Variants in IKZF4 observed in about 807,000 individuals in gnomAD.
IKZF4 encodes the protein IKAROS family zinc finger 4.
In IKZF4, 11 loss-of-function variants were observed where a neutral mutation model predicts 47.7. The observed-to-expected ratio is 0.23, with a 90% CI of 0.15 to 0.38. The LOEUF is 0.38. Among genes scored for constraint, IKZF4 ranks in the 10% least tolerant of loss-of-function variants. The probability of loss-of-function intolerance (pLI) is 1.00; values close to 1 mark genes in which losing one functional copy is unlikely to be tolerated. For synonymous variants in IKZF4, 298 were observed against 299.4 expected (o/e 1.00, Z 0.05); for missense variants, 557 against 784.9 (o/e 0.71, Z 3.47).
intron 2 of IKZF4, among the ~76,000 whole-genome samples, chr12:56,024,314 A>G (rs1383642121): frequency 6.6e-6 from 1 of 152,242 alleles, no homozygotes; most frequent in Non-Finnish European, 1.5e-5. Context: ...TAGAAAGTCT[A>G]AGAGGCCCAA....
At chr12:56,021,613 A>G (rs1268088072) in intron 1 of IKZF4, 33 bp downstream of exon 1, 2 of 1,571,038 alleles carry the variant, frequency 1.3e-6, no homozygotes. Flanking sequence ...TAGTGGAGGG[A>G]GGAAGGGGGG....
intron 2 of IKZF4, 63 bp from the exon 3 acceptor site, chr12:56,024,991 A>C: frequency 6.4e-7 from 1 of 1,551,080 alleles, no homozygotes; most frequent in Non-Finnish European, 8.7e-7. Flanking sequence ...TTAAAAGATT[A>C]GGCAATGGAC....
At chr12:56,019,343 A>G (rs1018385703), upstream of IKZF4, 1 of 984,618 alleles carries the variant, frequency 1.0e-6, no homozygotes, top group Non-Finnish European at 1.2e-6. Context: ...AATTATTGGC[A>G]TGCACTAAAG....
At chr12:56,008,877 A>G (rs1891020843) in intron 1 of IKZF4, among the ~76,000 whole-genome samples, 3 of 151,706 alleles carry the variant, frequency 2.0e-5, no homozygotes, top group Admixed American at 6.6e-5. Flanking sequence ...GGGTCTCACC[A>G]TGTTGGCCAG....
At chr12:56,016,308 G>A (rs1419562196), upstream of IKZF4, among the ~76,000 whole-genome samples, 2 of 151,950 alleles carry the variant, frequency 1.3e-5, no homozygotes, top group Admixed American at 6.6e-5. Context: ...AAAAGACCAA[G>A]AATCCCCACA....
chr12:56,016,011 T>C (rs1306258141), intron 2 of IKZF4, among the ~76,000 whole-genome samples: 1 of 152,136 alleles, frequency 6.6e-6, no homozygotes, highest in Non-Finnish European at 1.5e-5. Flanking sequence ...TTTTTCTCCA[T>C]GCCCTGGCTT....
At chr12:56,019,060 A>G (rs1487588123), upstream of IKZF4, among the ~76,000 whole-genome samples, 1 of 152,208 alleles carries the variant, frequency 6.6e-6, no homozygotes, top group Non-Finnish European at 1.5e-5. Flanking sequence ...TACTAAAAAT[A>G]CAAAAATTAT....
upstream of IKZF4, among the ~76,000 whole-genome samples, chr12:56,016,253 C>T (rs1323194767): frequency 2.0e-5 from 3 of 151,828 alleles, no homozygotes; most frequent in Non-Finnish European, 4.4e-5. Context: ...TATACCATTA[C>T]AAGCAAACCA....
rs148782947 is a variant in IKZF4, at chr12:56,022,153, G to C, written c.87+573G>C. ...GCAGAGAAGTGTGGAGGTTCTCCAT[G>C]TTCTCCAAGCTCATGGCTATTCCCT... On this transcript the variant is annotated intron_variant, in intron 1 of 7. Coordinates refer to ENST00000547167, the MANE Select transcript of IKZF4 (RefSeq NM_022465.4). Among the ~76,000 whole-genome samples, 613 of 152,314 alleles carry C rather than the reference G, an allele frequency of 4.0e-3. 4 individuals are homozygous for C. Among genetic ancestry groups the C allele is most frequent in the African/African-American group, 0.014 (592 of 41,558 alleles).
chr12:56,034,726 C>G lies in IKZF4; in HGVS notation c.1153C>G (p.Arg385Gly), dbSNP rs996326695. The change falls in exon 8 of 8, where the codon CGC (arginine) becomes GGC (glycine). Residue 385 changes from arginine (R) to glycine (G), a missense_variant. Physicochemically the swap from Arg to Gly is moderately radical, Grantham distance 125. Around this residue, in one of 6 missense-constraint regions of IKZF4, gnomAD observed 280 missense variants for 314.0 expected, o/e 0.89. Coordinates refer to ENST00000547167, the MANE Select transcript of IKZF4 (RefSeq NM_022465.4). Reference protein sequence around the residue: ...FVGAEHLRPLRLPPTNCISEL... With the variant: ...FVGAEHLRPLGLPPTNCISEL... ...GGGTGCAGAGCATCTGCGTCCCCTC[C>G]GCCTTCCACCCACCAATTGCATCTC... 1.2e-6 allele frequency: 2 copies of G among 1,614,020 alleles called. No homozygotes were observed. Among genetic ancestry groups the G allele is most frequent in the Non-Finnish European group, 8.5e-7 (1 of 1,179,882 alleles).
At chr12:56,023,445 G>A (rs1406620112) in intron 1 of IKZF4, among the ~76,000 whole-genome samples, 1 of 152,218 alleles carries the variant, frequency 6.6e-6, no homozygotes, top group Non-Finnish European at 1.5e-5. Context: ...TTCATGATAT[G>A]TGTGTGGTTC....
Position 56,035,440 on chromosome 12 carries a change from G to A in IKZF4, c.*109G>A. 2 of 1,202,762 alleles carry A rather than the reference G, an allele frequency of 1.7e-6. No individual in the cohort carries two copies. The highest frequency in any genetic ancestry group is 2.3e-5 in the East Asian group (1 of 42,708). 74.5% of individuals were successfully genotyped at this position (1,202,762 alleles called of 1,614,324 possible). A position where few individuals can be genotyped will look rare whatever the true frequency, so the allele number is the denominator to read the frequency against. The stretch of plus-strand genomic sequence containing the variant: ...TTTTGCTTTGTAGCCCTCACTACTG[G>A]CCACCTGACCTCACACCTGACCCTG... On this transcript the variant is annotated 3_prime_UTR_variant, in exon 8 of 8. Transcript: ENST00000547167. This position sits in a 1 kb window ranked among gnomAD's most constrained non-coding sequence, Gnocchi z 6.1.
intron 5 of IKZF4, chr12:56,029,622 T>A (rs961522510): frequency 1.3e-5 from 2 of 152,226 alleles, no homozygotes; most frequent in African/African-American, 4.8e-5. Context: ...TTTATCTCTA[T>A]GTATGTGGAG....
In IKZF4 at chr12:56,025,195, AC is replaced by A. The variant is rs1221729310; in HGVS notation, c.286+42del. The A allele has an allele frequency of 3.3e-6, 5 of 1,497,086 alleles. No homozygotes were observed. The African/African-American group carries it at 5.7e-5, about 17-fold the overall frequency. The allele number at this position is 1,497,086 out of a possible 1,614,324, so 92.7% of individuals were successfully genotyped here. On this transcript the variant is annotated intron_variant, in intron 3 of 7. Coordinates refer to ENST00000547167, the MANE Select transcript of IKZF4 (RefSeq NM_022465.4). ...CTCCTACCACCTCCTGGCAGTAGGC[AC>A]CCCCTGTTGCATTTGGCCTTCAATT...
chr12:56,017,803 C>A (rs1295577447), upstream of IKZF4, among the ~76,000 whole-genome samples: 1 of 152,198 alleles, frequency 6.6e-6, no homozygotes, highest in Non-Finnish European at 1.5e-5. Flanking sequence ...GATCCTCCCA[C>A]CTCAGCCTCC....
At chr12:56,033,705 C>T (rs527376034) in intron 7 of IKZF4, among the ~76,000 whole-genome samples, 4 of 151,816 alleles carry the variant, frequency 2.6e-5, no homozygotes, top group Non-Finnish European at 1.5e-5. Context: ...AGCAAGACTC[C>T]GTCTCAAAAG....
chr12:56,024,421 G>A (rs1893602551), intron 2 of IKZF4, among the ~76,000 whole-genome samples: 1 of 152,194 alleles, frequency 6.6e-6, no homozygotes, highest in South Asian at 2.1e-4. Flanking sequence ...CACACTAGCA[G>A]CTATGTAACC....
At chr12:56,017,975 C>A, upstream of IKZF4, 1 of 406,694 alleles carries the variant, frequency 2.5e-6, no homozygotes, top group Non-Finnish European at 4.5e-6. Context: ...TGTTGAGCCA[C>A]AGTGCCTGGC....
chr12:56,015,354 C>T (rs932031560), intron 2 of IKZF4, among the ~76,000 whole-genome samples: 3 of 151,844 alleles, frequency 2.0e-5, no homozygotes, highest in African/African-American at 7.3e-5. Flanking sequence ...GAATTACAGG[C>T]GTGAGCTACC....
Sources: gnomAD v4.1 joint callset for allele counts (sites outside exome capture counted in the v4.1 genomes callset) on GRCh38, gnomAD v4.1.1 for gene constraint, gnomAD v4.1.1 regional missense constraint, Gnocchi (gnomAD v3.1) non-coding constraint, MANE v1.5 for transcripts, NCBI Gene and HGNC (gene_info 2026-07-23, HGNC 2026-07-21) for gene names.